EFCAB10: variants seen among roughly 807,000 people sequenced by gnomAD.
The protein encoded by EFCAB10 is EF-hand calcium binding domain 10.
Under a neutral mutation model 7.7 loss-of-function variants are expected in EFCAB10, and 7 were observed. That is an observed-to-expected ratio of 0.91 (90% CI 0.52 to 1.72). The LOEUF (loss-of-function observed/expected upper bound fraction) is 1.72. EFCAB10 is among the 40% of genes most tolerant of loss of function. EFCAB10 has a pLI of 0.00. For synonymous variants in EFCAB10, 52 were observed against 21.0 expected (o/e 2.47, Z -4.03); for missense variants, 112 against 61.5 (o/e 1.82, Z -2.74).
intron 1 of EFCAB10, 88 bp downstream of exon 1, chr7:105,581,270 T>C (rs1272980664): frequency 1.1e-5 from 7 of 665,232 alleles, no homozygotes; most frequent in African/African-American, 3.6e-5. Context: ...TGGGAGGCAG[T>C]GGAAAGCGAA....
chr7:105,566,390 G>T (rs922914936), intron 4 of EFCAB10: 10 of 152,152 alleles, frequency 6.6e-5, no homozygotes. Context: ...AGGCATAGTA[G>T]CCCACATCTG....
Position 105,565,200 on chromosome 7 carries a change from C to CT in EFCAB10, c.*246dup. The CT allele has an allele frequency of 7.3e-7, 1 of 1,364,262 alleles. No individual in the cohort carries two copies. Among genetic ancestry groups the CT allele is most frequent in the Non-Finnish European group, 9.9e-7 (1 of 1,005,170 alleles). 84.5% of individuals were successfully genotyped at this position (1,364,262 alleles called of 1,614,324 possible). A position where few individuals can be genotyped will look rare whatever the true frequency, so the allele number is the denominator to read the frequency against. ...AAAATGCCCTAGGACAGAACACTTC[C>CT]TCAAATTTAAAATGATTTAAAAACT... On this transcript the variant is annotated 3_prime_UTR_variant, in exon 5 of 5. Transcript: ENST00000480514.
At chr7:105,579,955 T>A (rs1792181433) in intron 1 of EFCAB10, among the ~76,000 whole-genome samples, 1 of 152,100 alleles carries the variant, frequency 6.6e-6, no homozygotes, top group African/African-American at 2.4e-5. Flanking sequence ...TAACATAATA[T>A]ATCCCTTGTT....
chr7:105,570,241 ATATATATATATATAT>A (rs1347867247), intron 1 of EFCAB10, among the ~76,000 whole-genome samples: 1 of 28,368 alleles, frequency 3.5e-5, no homozygotes, highest in Non-Finnish European at 7.0e-5. Context: ...AAAAAAAAAA[ATATATATATATATAT>A]ATATATATAT....
At position 105,565,372 on chromosome 7, in the gene EFCAB10, A is replaced by G. The variant is rs1791666979; in HGVS notation, c.*75T>C. ...CTGACGTTACGAGACCATTTACTTC[A>G]GTTGGAGCAGCAGCTTTGTTTCTCC... is the stretch of plus-strand genomic sequence containing the variant. On this transcript the variant is annotated 3_prime_UTR_variant, in exon 5 of 5. Transcript: ENST00000480514. 2 of 1,614,188 alleles carry G rather than the reference A, an allele frequency of 1.2e-6. No individual in the cohort carries two copies. The highest frequency in any genetic ancestry group is 1.7e-6 in the Non-Finnish European group (2 of 1,180,030).
At chr7:105,575,650 C>T (rs1448834261) in intron 1 of EFCAB10, among the ~76,000 whole-genome samples, 1 of 152,176 alleles carries the variant, frequency 6.6e-6, no homozygotes, top group Non-Finnish European at 1.5e-5. Flanking sequence ...GTACCTGTTT[C>T]CTCAATAGTA....
rs1245164985 is a variant in EFCAB10, at chr7:105,581,385, T to C, written c.79A>G (p.Thr27Ala). The C allele has an allele frequency of 1.4e-6, 1 of 702,998 alleles. No homozygotes were observed. The highest frequency in any genetic ancestry group is 2.0e-5 in the Admixed American group (1 of 50,020). 43.5% of individuals were successfully genotyped at this position (702,998 alleles called of 1,614,324 possible). The change falls in exon 1 of 5, where the codon ACC becomes GCC. Residue 27 changes from threonine to alanine, a missense_variant. Coordinates refer to ENST00000480514, the MANE Select transcript of EFCAB10 (RefSeq NM_001355526.2). Reference sequence around the variant, plus strand: ...GGCCGAAAGAAAAGGAGGGCGCTGGTGAGGTAGCTAACCACCTCCTTGATC... The same window carrying C: ...GGCCGAAAGAAAAGGAGGGCGCTGGCGAGGTAGCTAACCACCTCCTTGATC... ...HQIKEVVSYL[T>A]SALLFFRPEK...
rs562115283 is a variant in EFCAB10 at position 105,573,940 on chromosome 7, TTACTC to T, written c.107-4374_107-4370del. On this transcript the variant is annotated intron_variant, in intron 1 of 4. Coordinates refer to ENST00000480514, the MANE Select transcript of EFCAB10 (RefSeq NM_001355526.2). ...TTTCTCAATAGCTTTCAAATTCATT[TTACTC>T]TACCACTCCCACAGCAATCTCTCTC... Among the ~76,000 whole-genome samples the T allele has an allele frequency of 1.7e-3, 259 of 152,284 alleles. 2 individuals carry two copies. Among genetic ancestry groups the T allele is most frequent in the African/African-American group, 6.1e-3 (255 of 41,556 alleles).
chr7:105,569,369 A>T (rs1791877885), intron 2 of EFCAB10, 38 bp downstream of exon 2: 2 of 694,850 alleles, frequency 2.9e-6, no homozygotes, highest in Non-Finnish European at 5.2e-6. Context: ...CTGTGGAATG[A>T]CCACAAACTA....
chr7:105,565,138 G>C lies in EFCAB10; in HGVS notation c.*309C>G. ...ATACAGGTACATTTATTTTCTGATA[G>C]AGCTTTTAATGTTAGGCTGTATATT... On this transcript the variant is annotated 3_prime_UTR_variant, in exon 5 of 5. Coordinates refer to ENST00000480514, the MANE Select transcript of EFCAB10 (RefSeq NM_001355526.2). 1.7e-6 allele frequency: 1 copy of C among 580,552 alleles called. No homozygotes were observed. The allele number at this position is 580,552 out of a possible 1,614,324, so 36.0% of individuals were successfully genotyped here.
chr7:105,571,015 A>G (rs1412546591), intron 1 of EFCAB10: 1 of 151,110 alleles, frequency 6.6e-6, no homozygotes, highest in Non-Finnish European at 1.5e-5. Flanking sequence ...ACGGAACGAG[A>G]CTCCGTTTCA....
At chr7:105,574,176 A>G (rs1236939762) in intron 1 of EFCAB10, among the ~76,000 whole-genome samples, 1 of 50,214 alleles carries the variant, frequency 2.0e-5, no homozygotes, top group African/African-American at 5.4e-5. Flanking sequence ...ACACACCCAT[A>G]TGTATATATA....
chr7:105,574,715 C>T (rs1371525507), intron 1 of EFCAB10, among the ~76,000 whole-genome samples: 1 of 151,748 alleles, frequency 6.6e-6, no homozygotes, highest in East Asian at 2.0e-4. Flanking sequence ...GATCTCCTGA[C>T]CTTGTGATCT....
intron 1 of EFCAB10, among the ~76,000 whole-genome samples, chr7:105,569,785 A>G (rs556607130): frequency 3.7e-4 from 57 of 152,264 alleles, no homozygotes; most frequent in African/African-American, 1.3e-3. Context: ...AGATGATAGA[A>G]TAGAAAACTA....
rs946562392 is a variant in EFCAB10 at position 105,573,945 on chromosome 7, C to T, written c.107-4374G>A. Among the ~76,000 whole-genome samples the T allele has an allele frequency of 8.9e-4, 135 of 151,724 alleles. 1 individual carries two copies. The highest frequency in any genetic ancestry group is 3.4e-3 in the Middle Eastern group (1 of 294). ...CAATAGCTTTCAAATTCATTTTACT[C>T]TACCACTCCCACAGCAATCTCTCTC... On this transcript the variant is annotated intron_variant, in intron 1 of 4. Coordinates refer to ENST00000480514, the MANE Select transcript of EFCAB10 (RefSeq NM_001355526.2).
At chr7:105,569,709 A>C in intron 1 of EFCAB10, 138 bp from the exon 2 acceptor site, 3 of 588,138 alleles carry the variant, frequency 5.1e-6, no homozygotes, top group Admixed American at 3.1e-5. Flanking sequence ...TAGTTTTCAT[A>C]AACAGTCCAG....
At chr7:105,577,406 G>C (rs941524772) in intron 1 of EFCAB10, among the ~76,000 whole-genome samples, 1 of 152,186 alleles carries the variant, frequency 6.6e-6, no homozygotes, top group Non-Finnish European at 1.5e-5. Flanking sequence ...CAGCTGCTGT[G>C]GAGAATACAG....
At chr7:105,568,430 T>G (rs1485619071) in intron 3 of EFCAB10, among the ~76,000 whole-genome samples, 1 of 152,228 alleles carries the variant, frequency 6.6e-6, no homozygotes, top group African/African-American at 2.4e-5. Flanking sequence ...CTGTAATATC[T>G]CAAAATCTAA....
chr7:105,577,052 TAAAA>T (rs113658971), intron 1 of EFCAB10, among the ~76,000 whole-genome samples: 2 of 144,726 alleles, frequency 1.4e-5, no homozygotes, highest in Admixed American at 6.9e-5. Flanking sequence ...AACTCCGTCT[TAAAA>T]AAAAAAAAAA....
Sources: allele counts gnomAD v4.1 joint callset (sites outside exome capture counted in the v4.1 genomes callset), GRCh38; gene constraint gnomAD v4.1.1; transcripts MANE v1.5; gene names NCBI Gene and HGNC (gene_info 2026-07-23, HGNC 2026-07-21).